CASZ1: variants seen among roughly 807,000 people sequenced by gnomAD.
CASZ1 encodes the protein zinc finger protein castor homolog 1.
A neutral mutation model predicts 135.2 loss-of-function variants in CASZ1; 28 were observed. That is an observed-to-expected ratio of 0.21 (90% CI 0.15 to 0.28). The LOEUF is 0.28. Ranked by LOEUF, CASZ1 falls within the 10% of genes least tolerant of loss-of-function variation. The pLI is 1.00. For missense variants in CASZ1, 2,161 were observed against 2,453.3 expected, an observed-to-expected ratio of 0.88 and a Z score of 2.52; for synonymous variants, 1,068 against 1,073.4, an observed-to-expected ratio of 0.99 and a Z score of 0.10.
chr1:10,658,375 G>A (rs889303020), intron 7 of CASZ1, 133 bp downstream of exon 7: 6 of 704,778 alleles, frequency 8.5e-6, no homozygotes, highest in Non-Finnish European at 1.5e-5. Context: ...TGGAGGGACC[G>A]AAGTGGATGG....
rs1642267453 is a variant in CASZ1 at position 10,643,274 on chromosome 1, G to A, written c.3906C>T (p.Cys1302=). ...AGGAGAACTGGCAGCCCTCCCGGATGCAGTGGAAGTGGCTGTTCACCTGGT... is the reference window on the plus strand; with the variant it reads ...AGGAGAACTGGCAGCCCTCCCGGATACAGTGGAAGTGGCTGTTCACCTGGT... ...KYNQVNSHFH[C]IREGCQFSFL... is the part of the protein sequence containing the mutation. The change falls in exon 19 of 21, where the codon TGC becomes TGT. Residue 1302 remains cysteine, a synonymous_variant. Coordinates refer to ENST00000377022, the MANE Select transcript of CASZ1 (RefSeq NM_001079843.3). The A allele has an allele frequency of 6.2e-7, 1 of 1,613,142 alleles. No homozygotes were observed. Among genetic ancestry groups the A allele is most frequent in the Non-Finnish European group, 8.5e-7 (1 of 1,180,008 alleles).
In CASZ1 at chr1:10,764,050, A is replaced by T. The variant is rs375429606; in HGVS notation, c.-233-3193T>A. Among the ~76,000 whole-genome samples the T allele has an allele frequency of 1.6e-4, 24 of 152,204 alleles. No individual in the cohort carries two copies. In the East Asian group the frequency reaches 3.3e-3, roughly 21 times the overall value. ...GCTAATTTTTGTATTTTTAGTAGAG[A>T]CGATGTTTTACCAGATTAGCCAGAC... On this transcript the variant is annotated intron_variant, in intron 1 of 20. Coordinates refer to ENST00000377022, the MANE Select transcript of CASZ1 (RefSeq NM_001079843.3).
At position 10,717,648 on chromosome 1, in the gene CASZ1, GGGGGGCA is replaced by G. The variant is rs1319883518; in HGVS notation, c.-76-12111_-76-12105del. Among the ~76,000 whole-genome samples the G allele has an allele frequency of 2.0e-5, 3 of 152,116 alleles. No individual in the cohort carries two copies. The highest frequency in any genetic ancestry group is 4.4e-5 in the Non-Finnish European group (3 of 68,010). ...AAATACGGCTCCTGAGGACATGGAT[GGGGGGCA>G]GGGGGCAGGGGACAGGGGCGGAGGT... On this transcript the variant is annotated intron_variant, in intron 2 of 20. Coordinates refer to ENST00000377022, the MANE Select transcript of CASZ1 (RefSeq NM_001079843.3). The surrounding 1 kb of genome is among the most constrained non-coding windows in gnomAD (Gnocchi z 4.6).
rs1417646874 is a variant in CASZ1 at position 10,762,696 on chromosome 1, C to T, written c.-233-1839G>A. Among the ~76,000 whole-genome samples the T allele has an allele frequency of 6.6e-6, 1 of 152,236 alleles. No individual in the cohort carries two copies. The highest frequency in any genetic ancestry group is 2.4e-5 in the African/African-American group (1 of 41,466). On this transcript the variant is annotated intron_variant, in intron 1 of 20. Transcript: ENST00000377022. The surrounding 1 kb of genome is among the most constrained non-coding windows in gnomAD (Gnocchi z 4.1). ...GCCAGCATCTTACACAGGAGGCTGA[C>T]ATGCCCCTCTTCCAGCTTTGTAAAA...
Position 10,639,493 on chromosome 1 carries a change from C to G in CASZ1, c.4729G>C (p.Gly1577Arg), listed in dbSNP as rs1216892325. 1 of 1,611,174 alleles carries G rather than the reference C, an allele frequency of 6.2e-7. No individual in the cohort carries two copies. Among genetic ancestry groups the G allele is most frequent in the South Asian group, 1.1e-5 (1 of 90,800 alleles). The part of the protein sequence containing the change: ...KCSHFHCTFP[G>R]CRHTVVGMSQ... Reference sequence around the variant, plus strand: ...ATGCCCACCACCGTGTGGCGGCAGCCCGGGAAGGTGCAGTGGAAGTGCGAG... The same window carrying G: ...ATGCCCACCACCGTGTGGCGGCAGCGCGGGAAGGTGCAGTGGAAGTGCGAG... Residue 1577 changes from glycine (G) to arginine (R), a missense_variant, in exon 21 of 21, where the codon GGC becomes CGC. Physicochemically the swap from Gly to Arg is moderately radical, Grantham distance 125. Coordinates refer to ENST00000377022, the MANE Select transcript of CASZ1 (RefSeq NM_001079843.3). This position sits in a 1 kb window ranked among gnomAD's most constrained non-coding sequence, Gnocchi z 4.0.
rs573178027 is a variant in CASZ1, at chr1:10,646,719, C to T, written c.3498-393G>A. ...GAGGCCCTGGCTGGCGTGGCATGGG[C>T]GCCACCGTGGATGTGGCTGACAGAC... On this transcript the variant is annotated intron_variant, in intron 16 of 20. Coordinates refer to ENST00000377022, the MANE Select transcript of CASZ1 (RefSeq NM_001079843.3). The surrounding 1 kb of genome is among the most constrained non-coding windows in gnomAD (Gnocchi z 6.4). Among the ~76,000 whole-genome samples the T allele has an allele frequency of 2.0e-5, 3 of 152,324 alleles. No homozygotes were observed. The highest frequency in any genetic ancestry group is 1.9e-4 in the East Asian group (1 of 5,184).
rs1361599116 is a variant in CASZ1, at chr1:10,658,491, C to A, written c.1409+17G>T. 6.2e-7 allele frequency: 1 copy of A among 1,610,122 alleles called. No homozygotes were observed. Among genetic ancestry groups the A allele is most frequent in the Non-Finnish European group, 8.5e-7 (1 of 1,176,688 alleles). On this transcript the variant is annotated intron_variant, in intron 7 of 20. Transcript: ENST00000377022. ...CCCCACCTTCTCTCCACGGCAGGCT[C>A]CTCCCCAGGGGCCTACCTGGCAATA...
chr1:10,728,402 A>T (rs957788791), intron 2 of CASZ1, among the ~76,000 whole-genome samples: 2 of 152,204 alleles, frequency 1.3e-5, no homozygotes, highest in South Asian at 4.1e-4. Context: ...TGCAATGTGC[A>T]AACTATCTAA....
intron 4 of CASZ1, among the ~76,000 whole-genome samples, chr1:10,684,821 C>T (rs1638535060): frequency 6.6e-6 from 1 of 152,230 alleles, no homozygotes; most frequent in Non-Finnish European, 1.5e-5. Context: ...GCCTCTCATG[C>T]CCGTGGAGGC....
chr1:10,640,210 TG>T, intron 20 of CASZ1, 151 bp from the exon 21 acceptor site: 17 of 1,111,374 alleles, frequency 1.5e-5, no homozygotes, highest in Non-Finnish European at 2.1e-5. Flanking sequence ...AGGCCTCTCC[TG>T]CCCCGCCCCC....
chr1:10,659,972 G>A lies in CASZ1; in HGVS notation c.1070C>T (p.Pro357Leu), dbSNP rs758677257. 40 of 1,613,374 alleles carry A rather than the reference G, an allele frequency of 2.5e-5. No homozygotes were observed. In the South Asian group the frequency reaches 4.3e-4, roughly 17 times the overall value. ...LHLFKPGEGS[P>L]DMGGAIAFKT... ...GAAGGCGATGGCCCCGCCCATGTCGGGGCTGCCCTCCCCGGGTTTGAAGAG... is the reference window on the plus strand; with the variant it reads ...GAAGGCGATGGCCCCGCCCATGTCGAGGCTGCCCTCCCCGGGTTTGAAGAG... Residue 357 changes from proline to leucine, a missense_variant, in exon 6 of 21, where the codon CCC (proline) becomes CTC (leucine). By Grantham distance (98) the Pro-to-Leu change is moderately conservative (BLOSUM62 -3). Transcript: ENST00000377022.
In CASZ1 at chr1:10,739,137, CA is replaced by C. The variant is rs1277060018; in HGVS notation, c.-77+21563del. On this transcript the variant is annotated intron_variant, in intron 2 of 20. Transcript: ENST00000377022. The surrounding 1 kb of genome is among the most constrained non-coding windows in gnomAD (Gnocchi z 4.8). ...AAAAAGCAACAACAATAACGAGAAACAAGTCACCCAGGCATCTTGTGGAGGG... is the reference window on the plus strand; with the variant it reads ...AAAAAGCAACAACAATAACGAGAAACAGTCACCCAGGCATCTTGTGGAGGG... Among the ~76,000 whole-genome samples, 1 of 152,104 alleles carries C rather than the reference CA, an allele frequency of 6.6e-6. No homozygotes were observed. The highest frequency in any genetic ancestry group is 1.9e-4 in the East Asian group (1 of 5,186).
chr1:10,694,250 CCGAGACCG>C lies in CASZ1; in HGVS notation c.-23-346_-23-339del, dbSNP rs1638862771. On this transcript the variant is annotated intron_variant, in intron 3 of 20. Transcript: ENST00000377022. The surrounding 1 kb of genome is among the most constrained non-coding windows in gnomAD (Gnocchi z 6.6). ...CCGCGCCCCGCGCCCGGGTCGCCGC[CCGAGACCG>C]CGGCCCCCGGGCCTCCCCCGCCCGC... 1 of 914,506 alleles carries C rather than the reference CCGAGACCG, an allele frequency of 1.1e-6. No homozygotes were observed. The highest frequency in any genetic ancestry group is 6.1e-5 in the Admixed American group (1 of 16,272). 56.6% of individuals were successfully genotyped at this position (914,506 alleles called of 1,614,324 possible).
rs141977207 is a variant in CASZ1 at position 10,787,640 on chromosome 1, C to T, written c.-234+8924G>A. 1.6e-3 allele frequency among the ~76,000 whole-genome samples: 241 copies of T among 152,242 alleles called. 1 individual carries two copies. The highest frequency in any genetic ancestry group is 5.7e-3 in the African/African-American group (236 of 41,544). On this transcript the variant is annotated intron_variant, in intron 1 of 20. Transcript: ENST00000377022. ...CACCCCTTCTTCTCATTTACACACG[C>T]GCACGATCACCCGCACACACACACA...
At chr1:10,705,034 C>T (rs144520763) in intron 3 of CASZ1, among the ~76,000 whole-genome samples, 6 of 152,354 alleles carry the variant, frequency 3.9e-5, no homozygotes, top group Admixed American at 1.3e-4. Context: ...GCACAGCCTC[C>T]GAGGAGCGAA....
chr1:10,641,338 G>A (rs960600914), intron 20 of CASZ1, among the ~76,000 whole-genome samples: 6 of 152,206 alleles, frequency 3.9e-5, no homozygotes, highest in South Asian at 2.1e-4. Flanking sequence ...GGGGAGGCTC[G>A]GCCCTGCCCT....
chr1:10,769,575 G>A (rs1056771674), intron 1 of CASZ1, among the ~76,000 whole-genome samples: 1 of 152,140 alleles, frequency 6.6e-6, no homozygotes, highest in Admixed American at 6.5e-5. Context: ...GGAGTGCAGT[G>A]GGGTGATCTC....
intron 9 of CASZ1, 55 bp from the exon 10 acceptor site, chr1:10,654,646 A>T: frequency 6.4e-7 from 1 of 1,557,280 alleles, no homozygotes; most frequent in Non-Finnish European, 8.8e-7. Context: ...TCCTGGGCCG[A>T]GGTCGACACC....
intron 4 of CASZ1, among the ~76,000 whole-genome samples, chr1:10,669,614 C>T (rs1219629554): frequency 1.3e-5 from 2 of 152,196 alleles, no homozygotes; most frequent in Non-Finnish European, 2.9e-5. Context: ...ATCCCCAGTC[C>T]CCTGATCTCA....
Sources: allele counts gnomAD v4.1 joint callset (sites outside exome capture counted in the v4.1 genomes callset), GRCh38; gene constraint gnomAD v4.1.1; non-coding constraint Gnocchi (gnomAD v3.1); transcripts MANE v1.5; gene names NCBI Gene and HGNC (gene_info 2026-07-23, HGNC 2026-07-21).